The following FOXK1 variants were observed in gnomAD, a reference collection of about 807,000 sequenced individuals.
The protein encoded by FOXK1 is forkhead box K1.
Under a neutral mutation model 51.9 loss-of-function variants are expected in FOXK1, and 19 were observed. The ratio of observed to expected loss-of-function variants is 0.37; its 90% CI spans 0.26 to 0.54. The LOEUF is 0.54. Ranked by LOEUF, FOXK1 falls within the 20% of genes least tolerant of loss-of-function variation. The probability of loss-of-function intolerance (pLI) is 0.87; values close to 1 mark genes in which losing one functional copy is unlikely to be tolerated. For missense variants in FOXK1, 870 were observed against 1,032.7 expected (o/e 0.84, Z 2.16); for synonymous variants, 537 against 482.6 (o/e 1.11, Z -1.48).
intron 1 of FOXK1, among the ~76,000 whole-genome samples, chr7:4,727,763 G>A (rs2115052530): frequency 6.6e-6 from 1 of 152,338 alleles, no homozygotes; most frequent in Non-Finnish European, 1.5e-5. Flanking sequence ...CTCCTGGGTG[G>A]GAACCCGCGC....
chr7:4,704,083 C>A (rs905810274), intron 1 of FOXK1, among the ~76,000 whole-genome samples: 2 of 152,050 alleles, frequency 1.3e-5, no homozygotes, highest in African/African-American at 4.8e-5. Context: ...GTAGCCACAC[C>A]GAAAGGGTCT....
intron 2 of FOXK1, among the ~76,000 whole-genome samples, chr7:4,751,015 T>C (rs111868075): frequency 5.4e-4 from 65 of 120,520 alleles, no homozygotes; most frequent in African/African-American, 3.0e-3. Flanking sequence ...TTCAGCACTT[T>C]TTTTTTTTTT....
At chr7:4,692,045 G>T (rs1391184003) in intron 1 of FOXK1, among the ~76,000 whole-genome samples, 2 of 152,000 alleles carry the variant, frequency 1.3e-5, no homozygotes, top group Non-Finnish European at 1.5e-5. Flanking sequence ...TGTTGACACT[G>T]ACCGTATTAG....
rs948697298 is a variant in FOXK1 at position 4,723,583 on chromosome 7, C to T, written c.561-17255C>T. ...TCTACAAACACAGGTCCCTCCTCGC[C>T]GTGGTACAATCGCCACGGCACAGGA... is the stretch of plus-strand genomic sequence containing the variant. On this transcript the variant is annotated intron_variant, in intron 1 of 8. Transcript: ENST00000328914. This position sits in a 1 kb window ranked among gnomAD's most constrained non-coding sequence, Gnocchi z 4.7. 1.3e-5 allele frequency among the ~76,000 whole-genome samples: 2 copies of T among 152,172 alleles called. No homozygotes were observed. The highest frequency in any genetic ancestry group is 4.8e-5 in the African/African-American group (2 of 41,440).
At position 4,730,276 on chromosome 7, in the gene FOXK1, C is replaced by G. The variant is rs180897257; in HGVS notation, c.561-10562C>G. Among the ~76,000 whole-genome samples the G allele has an allele frequency of 6.6e-6, 1 of 152,194 alleles. No individual in the cohort carries two copies. The highest frequency in any genetic ancestry group is 1.5e-5 in the Non-Finnish European group (1 of 68,046). On this transcript the variant is annotated intron_variant, in intron 1 of 8. Transcript: ENST00000328914. The surrounding 1 kb of genome is among the most constrained non-coding windows in gnomAD (Gnocchi z 4.7). The stretch of plus-strand genomic sequence containing the variant: ...GCACACCCCCACATTGTTGTCACTG[C>G]GAGAACGGAGGGCCCAGAGCCGAGT...
intron 1 of FOXK1, among the ~76,000 whole-genome samples, chr7:4,685,221 C>CTTT (rs55891300): frequency 7.8e-5 from 8 of 102,624 alleles, no homozygotes; most frequent in South Asian, 3.2e-4. Context: ...GAGCTATTTG[C>CTTT]TTTTTTTTTT....
chr7:4,686,376 C>A (rs553707000), intron 1 of FOXK1, among the ~76,000 whole-genome samples: 1 of 152,236 alleles, frequency 6.6e-6, no homozygotes, highest in African/African-American at 2.4e-5. Flanking sequence ...GAATTCAACC[C>A]CTATTTGTTA....
rs1779782162 is a variant in FOXK1, at chr7:4,683,658, C to G, written c.560+790C>G. Among the ~76,000 whole-genome samples, 2 of 152,080 alleles carry G rather than the reference C, an allele frequency of 1.3e-5. No homozygotes were observed. The highest frequency in any genetic ancestry group is 2.9e-5 in the Non-Finnish European group (2 of 67,990). ...AGGACCACCCCCGACCCCCACCAGCCAGGGCCTCAAGTCACCCCAGTGCCT... is the reference window on the plus strand; with the variant it reads ...AGGACCACCCCCGACCCCCACCAGCGAGGGCCTCAAGTCACCCCAGTGCCT... On this transcript the variant is annotated intron_variant, in intron 1 of 8. Transcript: ENST00000328914. This position sits in a 1 kb window ranked among gnomAD's most constrained non-coding sequence, Gnocchi z 4.5.
At chr7:4,714,572 CCCCTCT>C (rs1249157807) in intron 1 of FOXK1, among the ~76,000 whole-genome samples, 1 of 152,332 alleles carries the variant, frequency 6.6e-6, no homozygotes, top group East Asian at 1.9e-4. Flanking sequence ...ACCAGCCTGG[CCCCTCT>C]TTTCACTTTG....
chr7:4,759,221 A>C lies in FOXK1; in HGVS notation c.1411+4A>C. ...CGGTATTCCCAAAGCGCACCCGGTAAGGAGCGGGCGGCCCTCTTGCGGGGC... is the reference window on the plus strand; with the variant it reads ...CGGTATTCCCAAAGCGCACCCGGTACGGAGCGGGCGGCCCTCTTGCGGGGC... On this transcript the variant is annotated splice_donor_region_variant and intron_variant, in intron 6 of 8. Transcript: ENST00000328914. 1 of 1,566,840 alleles carries C rather than the reference A, an allele frequency of 6.4e-7. No homozygotes were observed. The highest frequency in any genetic ancestry group is 8.7e-7 in the Non-Finnish European group (1 of 1,150,410).
At chr7:4,754,979 A>C (rs1780826045) in intron 3 of FOXK1, 2 of 570,574 alleles carry the variant, frequency 3.5e-6, no homozygotes, top group African/African-American at 1.9e-5. Flanking sequence ...AGCTGTTTTC[A>C]AATTGATTTC....
At chr7:4,714,917 T>C (rs1184319329) in intron 1 of FOXK1, among the ~76,000 whole-genome samples, 3 of 152,192 alleles carry the variant, frequency 2.0e-5, no homozygotes, top group Non-Finnish European at 4.4e-5. Context: ...TTGTGTGCTT[T>C]TGGGAAGTCT....
In FOXK1 at chr7:4,740,896, AAAG is replaced by A. The variant is rs1284431798; in HGVS notation, c.624_626del (p.Glu209del). ...GATCCAGTTCACGTCGCTCTATCAC[AAAG>A]AAGAGGCCCCAGCCTCCCCGCTGCG... On this transcript the variant is annotated inframe_deletion, in exon 2 of 9. Transcript: ENST00000328914. 4 of 1,593,900 alleles carry A rather than the reference AAAG, an allele frequency of 2.5e-6. No homozygotes were observed. In the African/African-American group the frequency reaches 5.4e-5, roughly 22 times the overall value.
chr7:4,768,959 C>A lies in FOXK1; in HGVS notation c.*6495C>A. The A allele has an allele frequency of 6.6e-6, 1 of 152,192 alleles. No individual in the cohort carries two copies. 9.4% of individuals were successfully genotyped at this position (152,192 alleles called of 1,614,324 possible). On this transcript the variant is annotated 3_prime_UTR_variant, in exon 9 of 9. Coordinates refer to ENST00000328914, the MANE Select transcript of FOXK1 (RefSeq NM_001037165.2). ...GAGGCCTGAGTGTGACCTGGAAGCT[C>A]TGTGGGTCACCAAGACTGGCATTTT...
At position 4,762,126 on chromosome 7, in the gene FOXK1, A is replaced by G; in HGVS notation, c.1922-58A>G. On this transcript the variant is annotated intron_variant, in intron 8 of 8. Transcript: ENST00000328914. The surrounding 1 kb of genome is among the most constrained non-coding windows in gnomAD (Gnocchi z 5.7). ...CTTAGCCCCTGTATAGGGGACTTGA[A>G]AAAAGCAGCTGGGTCCTAACCAGAC... 6.6e-7 allele frequency: 1 copy of G among 1,504,164 alleles called. No individual in the cohort carries two copies. The highest frequency in any genetic ancestry group is 1.4e-5 in the African/African-American group (1 of 72,144). The allele number at this position is 1,504,164 out of a possible 1,614,324, so 93.2% of individuals were successfully genotyped here.
intron 1 of FOXK1, among the ~76,000 whole-genome samples, chr7:4,719,290 A>G (rs1297638428): frequency 2.0e-5 from 3 of 152,012 alleles, no homozygotes; most frequent in South Asian, 2.1e-4. Flanking sequence ...GTGCACCACT[A>G]TGCCTGGCTA....
Position 4,682,613 on chromosome 7 carries a change from C to T in FOXK1, c.305C>T (p.Pro102Leu), listed in dbSNP as rs1041146684. 4.0e-6 allele frequency: 6 copies of T among 1,508,718 alleles called. No individual in the cohort carries two copies. Among genetic ancestry groups the T allele is most frequent in the East Asian group, 2.7e-5 (1 of 37,416 alleles). The allele number at this position is 1,508,718 out of a possible 1,614,324, so 93.5% of individuals were successfully genotyped here. The change falls in exon 1 of 9, where the codon CCG becomes CTG. Residue 102 changes from proline to leucine, a missense_variant. This residue lies in a region of FOXK1 where 399 missense variants were observed against 475.6 expected (regional missense o/e 0.84). Coordinates refer to ENST00000328914, the MANE Select transcript of FOXK1 (RefSeq NM_001037165.2). This position sits in a 1 kb window ranked among gnomAD's most constrained non-coding sequence, Gnocchi z 7.6. ...AAAAASVRQS[P>L]GPALARLEGR... is the part of the protein sequence containing the mutation. ...GCGGCCGCCTCGGTACGGCAGAGCC[C>T]GGGGCCGGCGCTGGCGCGGCTGGAG...
rs1019050828 is a variant in FOXK1 at position 4,761,884 on chromosome 7, T to C, written c.1922-300T>C. Among the ~76,000 whole-genome samples, 1 of 151,564 alleles carries C rather than the reference T, an allele frequency of 6.6e-6. No individual in the cohort carries two copies. Among genetic ancestry groups the C allele is most frequent in the African/African-American group, 2.4e-5 (1 of 41,196 alleles). ...GGCACCGGGCGCATTGTCAGTGGGG[T>C]GGCTCAGGGCAGTGCATCTGTGTAA... is the stretch of plus-strand genomic sequence containing the variant. On this transcript the variant is annotated intron_variant, in intron 8 of 8. Coordinates refer to ENST00000328914, the MANE Select transcript of FOXK1 (RefSeq NM_001037165.2). This position sits in a 1 kb window ranked among gnomAD's most constrained non-coding sequence, Gnocchi z 6.2.
At chr7:4,705,441 C>T (rs574828359) in intron 1 of FOXK1, among the ~76,000 whole-genome samples, 4 of 152,170 alleles carry the variant, frequency 2.6e-5, no homozygotes, top group South Asian at 4.2e-4. Flanking sequence ...CTTGGCCTCC[C>T]GCAGTGCTGG....
Sources: allele counts gnomAD v4.1 joint callset (sites outside exome capture counted in the v4.1 genomes callset), GRCh38; gene constraint gnomAD v4.1.1; regional missense constraint gnomAD v4.1.1; non-coding constraint Gnocchi (gnomAD v3.1); transcripts MANE v1.5; gene names NCBI Gene and HGNC (gene_info 2026-07-23, HGNC 2026-07-21).